SELENOI: variants seen among roughly 807,000 people sequenced by gnomAD.
The protein encoded by SELENOI is ethanolaminephosphotransferase 1.
A neutral mutation model predicts 50.7 loss-of-function variants in SELENOI; 24 were observed. The ratio of observed to expected loss-of-function variants is 0.47; its 90% confidence interval spans 0.34 to 0.67. The LOEUF is 0.67. SELENOI is among the 30% of genes least tolerant of loss of function. The pLI is 0.01. For synonymous variants in SELENOI, 155 were observed against 170.2 expected, an observed-to-expected ratio of 0.91 and a Z score of 0.70; for missense variants, 352 against 461.4, an observed-to-expected ratio of 0.76 and a Z score of 2.17.
chr2:26,346,935 G>GTTT (rs1676793302), intron 1 of SELENOI: 1 of 152,224 alleles, frequency 6.6e-6, no homozygotes, highest in Non-Finnish European at 1.5e-5. Context: ...ACCCCGCTCA[G>GTTT]CCTCTCTTTT....
chr2:26,391,881 C>G lies in SELENOI; in HGVS notation c.*2778C>G, dbSNP rs1677978508. 1 of 152,086 alleles carries G rather than the reference C, an allele frequency of 6.6e-6. No homozygotes were observed. Among genetic ancestry groups the G allele is most frequent in the South Asian group, 2.1e-4 (1 of 4,826 alleles). 9.4% of individuals were successfully genotyped at this position (152,086 alleles called of 1,614,324 possible). A position where few individuals can be genotyped will look rare whatever the true frequency, so the allele number is the denominator to read the frequency against. On this transcript the variant is annotated 3_prime_UTR_variant, in exon 10 of 10. Coordinates refer to ENST00000260585, the MANE Select transcript of SELENOI (RefSeq NM_033505.4). Reference sequence around the variant, plus strand: ...AGTGCAGTACACATTTTGACATTGCCACAGTTTACAGTGTCATTCTTCCAC... The same window carrying G: ...AGTGCAGTACACATTTTGACATTGCGACAGTTTACAGTGTCATTCTTCCAC...
At chr2:26,354,694 C>A (rs951536180) in intron 1 of SELENOI, among the ~76,000 whole-genome samples, 1 of 152,008 alleles carries the variant, frequency 6.6e-6, no homozygotes, top group Non-Finnish European at 1.5e-5. Flanking sequence ...CCTGGCGGTA[C>A]TGGCTGTTTT....
At chr2:26,355,923 G>T (rs964992008) in intron 1 of SELENOI, among the ~76,000 whole-genome samples, 2 of 151,692 alleles carry the variant, frequency 1.3e-5, no homozygotes, top group African/African-American at 4.8e-5. Context: ...GTATTATTTT[G>T]TAGAAATGGG....
chr2:26,361,189 G>A (rs1285740902), intron 1 of SELENOI, among the ~76,000 whole-genome samples: 1 of 152,204 alleles, frequency 6.6e-6, no homozygotes, highest in Non-Finnish European at 1.5e-5. Context: ...ACTCCAGCCT[G>A]GGAGACAGAG....
At position 26,354,637 on chromosome 2, in the gene SELENOI, C is replaced by T. The variant is rs369822126; in HGVS notation, c.57+8348C>T. ...TGATCTCCTGACTTCATGATTCGCCCGCCTTGGCCTTCCAAAGTGCTGGGA... is the reference window on the plus strand; with the variant it reads ...TGATCTCCTGACTTCATGATTCGCCTGCCTTGGCCTTCCAAAGTGCTGGGA... On this transcript the variant is annotated intron_variant, in intron 1 of 9. Coordinates refer to ENST00000260585, the MANE Select transcript of SELENOI (RefSeq NM_033505.4). 2.0e-4 allele frequency among the ~76,000 whole-genome samples: 31 copies of T among 152,138 alleles called. No homozygotes were observed. The East Asian group carries it at 4.8e-3, about 24-fold the overall frequency.
chr2:26,368,613 C>T (rs1427602423), intron 4 of SELENOI, among the ~76,000 whole-genome samples: 1 of 152,128 alleles, frequency 6.6e-6, no homozygotes, highest in Non-Finnish European at 1.5e-5. Flanking sequence ...CTATGTCCTA[C>T]TGGGGAGTCT....
intron 4 of SELENOI, among the ~76,000 whole-genome samples, chr2:26,370,955 G>A (rs1243476107): frequency 7.3e-5 from 8 of 110,106 alleles, no homozygotes; most frequent in Non-Finnish European, 1.0e-4. Flanking sequence ...CCTCCCGGAT[G>A]GGGCGGCTGG....
intron 6 of SELENOI, among the ~76,000 whole-genome samples, chr2:26,378,810 C>T (rs924140842): frequency 2.6e-5 from 4 of 152,208 alleles, no homozygotes; most frequent in South Asian, 4.1e-4. Context: ...CAGATGCCTT[C>T]CTTCCTTTAG....
chr2:26,359,463 T>A (rs1382131632), intron 1 of SELENOI, among the ~76,000 whole-genome samples: 1 of 152,004 alleles, frequency 6.6e-6, no homozygotes, highest in African/African-American at 2.4e-5. Flanking sequence ...ACCAACATGG[T>A]GAAACCGCGA....
rs376360026 is a variant in SELENOI, at chr2:26,385,043, G to T, written c.816G>T (p.Leu272Phe). ...TTTCTCCATGCTTGCTGTTCATTTT[G>T]TCTACAGCGTGGATCCTTTGGTCAC... ...PLFSPCLLFI[L>F]STAWILWSPS... Residue 272 changes from leucine (L) to phenylalanine (F), a missense_variant, in exon 8 of 10, where the codon TTG becomes TTT. Physicochemically the swap from Leu to Phe is conservative, Grantham distance 22. Transcript: ENST00000260585. 1.9e-6 allele frequency: 3 copies of T among 1,612,562 alleles called. No homozygotes were observed. The South Asian group carries it at 3.3e-5, about 18-fold the overall frequency.
intron 4 of SELENOI, among the ~76,000 whole-genome samples, chr2:26,373,160 A>T (rs61409472): frequency 1.2e-3 from 177 of 152,360 alleles, no homozygotes; most frequent in African/African-American, 4.0e-3. Context: ...AAGTGTGGGG[A>T]TTACAGGTGT....
chr2:26,374,566 ATT>A lies in SELENOI; in HGVS notation c.574-456_574-455del, dbSNP rs34004967. Among the ~76,000 whole-genome samples, 488 of 128,802 alleles carry A rather than the reference ATT, an allele frequency of 3.8e-3. 2 individuals are homozygous for A. The highest frequency in any genetic ancestry group is 5.0e-3 in the Non-Finnish European group (299 of 59,928). 84.5% of individuals were successfully genotyped at this position (128,802 alleles called of 152,430 possible). A position where few individuals can be genotyped will look rare whatever the true frequency, so the allele number is the denominator to read the frequency against. ...ATAGCATTGTTGGCTAAAAGATTGTATTTTTTTTTTTTTTTTTTTGAGACAGA... is the reference window on the plus strand; with the variant it reads ...ATAGCATTGTTGGCTAAAAGATTGTATTTTTTTTTTTTTTTTTGAGACAGA... On this transcript the variant is annotated intron_variant, in intron 5 of 9. Coordinates refer to ENST00000260585, the MANE Select transcript of SELENOI (RefSeq NM_033505.4).
intron 1 of SELENOI, among the ~76,000 whole-genome samples, chr2:26,353,982 T>C (rs1279806367): frequency 6.6e-6 from 1 of 152,146 alleles, no homozygotes; most frequent in Non-Finnish European, 1.5e-5. Flanking sequence ...CCTGGTATGT[T>C]AGAAGCACAA....
chr2:26,388,809 C>T (rs1677901962), intron 9 of SELENOI, among the ~76,000 whole-genome samples, 196 bp from the exon 10 acceptor site: 1 of 152,176 alleles, frequency 6.6e-6, no homozygotes, highest in South Asian at 2.1e-4. Context: ...TAAGTCCTAA[C>T]TTTCCCATGT....
chr2:26,370,516 G>T (rs1677395501), intron 4 of SELENOI, among the ~76,000 whole-genome samples: 1 of 146,486 alleles, frequency 6.8e-6, no homozygotes, highest in African/African-American at 2.5e-5. Flanking sequence ...TCCCAGACGG[G>T]GCGGCTGGCC....
intron 1 of SELENOI, among the ~76,000 whole-genome samples, chr2:26,347,504 G>T (rs1249662493): frequency 6.6e-6 from 1 of 151,934 alleles, no homozygotes; most frequent in Non-Finnish European, 1.5e-5. Flanking sequence ...GCCGTATTGT[G>T]CCATACCATT....
Position 26,348,476 on chromosome 2 carries a change from C to T in SELENOI, c.57+2187C>T, listed in dbSNP as rs527874763. ...GAATAACTGCTGAAAGGGGTGCACA[C>T]GGGGAGTGGAAATTAGGTTTCTGAA... is the stretch of plus-strand genomic sequence containing the variant. On this transcript the variant is annotated intron_variant, in intron 1 of 9. Coordinates refer to ENST00000260585, the MANE Select transcript of SELENOI (RefSeq NM_033505.4). Among the ~76,000 whole-genome samples the T allele has an allele frequency of 1.5e-3, 226 of 152,252 alleles. 3 individuals are homozygous for T. In the South Asian group the frequency reaches 0.046, roughly 31 times the overall value.
At chr2:26,353,340 A>G (rs1218342945) in intron 1 of SELENOI, among the ~76,000 whole-genome samples, 2 of 152,230 alleles carry the variant, frequency 1.3e-5, no homozygotes, top group Non-Finnish European at 2.9e-5. Flanking sequence ...TTTGTGAATG[A>G]GTTGTCCTCT....
Position 26,364,453 on chromosome 2 carries a change from ACT to A in SELENOI, c.126+87_126+88del, listed in dbSNP as rs1415751671. 8 of 874,822 alleles carry A rather than the reference ACT, an allele frequency of 9.1e-6. No homozygotes were observed. In the East Asian group the frequency reaches 2.2e-4, roughly 24 times the overall value. 54.2% of individuals were successfully genotyped at this position (874,822 alleles called of 1,614,324 possible). ...TATTTTATGGAGTATTATAAATGCAACTCTCAGTTTCATAAGATATTTAGAGA... is the reference window on the plus strand; with the variant it reads ...TATTTTATGGAGTATTATAAATGCAACTCAGTTTCATAAGATATTTAGAGA... On this transcript the variant is annotated intron_variant, in intron 2 of 9. Transcript: ENST00000260585.
Sources: gnomAD v4.1 joint callset for allele counts (sites outside exome capture counted in the v4.1 genomes callset) on GRCh38, gnomAD v4.1.1 for gene constraint, MANE v1.5 for transcripts, NCBI Gene and HGNC (gene_info 2026-07-23, HGNC 2026-07-21) for gene names.